LPA: variants seen among roughly 807,000 people sequenced by gnomAD.
LPA encodes the protein apolipoprotein(a).
LPA carries 199 observed loss-of-function variants against 197.9 expected under a neutral mutation model. That is an observed-to-expected ratio of 1.01 (90% CI 0.90 to 1.13). The LOEUF (loss-of-function observed/expected upper bound fraction) is 1.13. Ranked by LOEUF, LPA falls within the 50% of genes most tolerant of loss-of-function variation. The pLI, the probability that LPA is intolerant of heterozygous loss-of-function variation, is 0.00. For synonymous variants in LPA, 715 were observed against 639.5 expected, an observed-to-expected ratio of 1.12 and a Z score of -1.78; for missense variants, 1,853 against 1,785.8, an observed-to-expected ratio of 1.04 and a Z score of -0.68.
intron 37 of LPA, among the ~76,000 whole-genome samples, chr6:160,534,637 A>T (rs1225539279): frequency 6.6e-6 from 1 of 152,238 alleles, no homozygotes; most frequent in Non-Finnish European, 1.5e-5. Flanking sequence ...GAGAACACCC[A>T]TTGATCTGAT....
At chr6:160,603,902 T>C (rs1367964792) in intron 18 of LPA, among the ~76,000 whole-genome samples, 1 of 152,202 alleles carries the variant, frequency 6.6e-6, no homozygotes, top group African/African-American at 2.4e-5. Flanking sequence ...TCTACTGTAT[T>C]CCCAAGAGGT....
chr6:160,583,831 T>G (rs1360224303), intron 26 of LPA, among the ~76,000 whole-genome samples: 1 of 152,214 alleles, frequency 6.6e-6, no homozygotes, highest in Non-Finnish European at 1.5e-5. Flanking sequence ...TAAAACTCTT[T>G]GCCCTTAAGT....
At chr6:160,598,563 T>A (rs1338500208) in intron 20 of LPA, among the ~76,000 whole-genome samples, 1 of 152,238 alleles carries the variant, frequency 6.6e-6, no homozygotes, top group Non-Finnish European at 1.5e-5. Flanking sequence ...TTTTGCCGTG[T>A]CTTTGGTAGT....
chr6:160,648,004 C>A (rs1358379969), intron 2 of LPA, among the ~76,000 whole-genome samples: 1 of 152,168 alleles, frequency 6.6e-6, no homozygotes, highest in Non-Finnish European at 1.5e-5. Flanking sequence ...CATAAGCCTG[C>A]TGATTCCAAA....
At chr6:160,539,698 T>A (rs1777949900) in intron 36 of LPA, among the ~76,000 whole-genome samples, 1 of 152,184 alleles carries the variant, frequency 6.6e-6, no homozygotes, top group South Asian at 2.1e-4. Flanking sequence ...CAATCTCATT[T>A]GATTCTCTCC....
chr6:160,562,232 G>T (rs553473124), intron 28 of LPA, among the ~76,000 whole-genome samples: 3 of 152,164 alleles, frequency 2.0e-5, no homozygotes, highest in African/African-American at 7.2e-5. Context: ...ATTATTTTGA[G>T]ACATGCTCCA....
intron 28 of LPA, among the ~76,000 whole-genome samples, chr6:160,557,926 T>A (rs1208896470): frequency 1.3e-5 from 2 of 151,942 alleles, no homozygotes; most frequent in Non-Finnish European, 2.9e-5. Flanking sequence ...TTTTAGATTT[T>A]TTTTTTTTTT....
chr6:160,533,375 T>C (rs976469667), intron 37 of LPA, among the ~76,000 whole-genome samples: 6 of 152,170 alleles, frequency 3.9e-5, no homozygotes, highest in African/African-American at 1.4e-4. Flanking sequence ...CTCACAACGG[T>C]CCTATGAAAC....
chr6:160,602,589 G>T (rs1413463134), intron 18 of LPA, among the ~76,000 whole-genome samples: 4 of 152,158 alleles, frequency 2.6e-5, no homozygotes, highest in African/African-American at 4.8e-5. Flanking sequence ...TCTTCATTAC[G>T]TGGGCTGCAG....
intron 16 of LPA, among the ~76,000 whole-genome samples, chr6:160,609,067 G>C (rs1311952402): frequency 1.3e-5 from 2 of 151,916 alleles, no homozygotes; most frequent in Non-Finnish European, 2.9e-5. Context: ...TATTTTATCT[G>C]TTTTATTACA....
chr6:160,565,995 G>C (rs1187668530), intron 28 of LPA, among the ~76,000 whole-genome samples: 1 of 152,120 alleles, frequency 6.6e-6, no homozygotes, highest in South Asian at 2.1e-4. Context: ...GGAGTAAAAA[G>C]AAATGAACAA....
In LPA at chr6:160,635,056, G is replaced by C. The variant is rs1380329908; in HGVS notation, c.1075+67C>G. On this transcript the variant is annotated intron_variant, in intron 7 of 38. Transcript: ENST00000316300. ...TTTACCATTGAAGGCGGCTGCATCA[G>C]TGGGAATTTCCATGGCTTTTCATCC... The C allele has an allele frequency of 1.2e-5, 18 of 1,485,222 alleles. No individual in the cohort carries two copies. The African/African-American group carries it at 2.5e-4, about 21-fold the overall frequency. 92.0% of individuals were successfully genotyped at this position (1,485,222 alleles called of 1,614,324 possible). A position where few individuals can be genotyped will look rare whatever the true frequency, so the allele number is the denominator to read the frequency against.
chr6:160,557,052 A>G (rs1455404694), intron 29 of LPA, among the ~76,000 whole-genome samples: 7 of 152,276 alleles, frequency 4.6e-5, no homozygotes, highest in East Asian at 1.9e-4. Context: ...AACACTGTCC[A>G]TTTTAATAAA....
At chr6:160,573,956 C>A (rs1778608582) in intron 28 of LPA, among the ~76,000 whole-genome samples, 1 of 152,162 alleles carries the variant, frequency 6.6e-6, no homozygotes. Flanking sequence ...GGCCCTAGAA[C>A]TCCAAAGATT....
chr6:160,646,530 G>A (rs141953005), intron 2 of LPA, 135 bp from the exon 3 acceptor site: 1 of 20,090 alleles, frequency 5.0e-5, no homozygotes, highest in South Asian at 1.3e-3. Flanking sequence ...CCATATGATT[G>A]CCACCAGCAA....
intron 28 of LPA, among the ~76,000 whole-genome samples, chr6:160,567,063 C>T (rs957318353): frequency 2.0e-5 from 3 of 152,220 alleles, no homozygotes; most frequent in African/African-American, 7.2e-5. Context: ...TAACACCCCA[C>T]TGTCAACATT....
At position 160,591,013 on chromosome 6, in the gene LPA, A is replaced by G. The variant is rs1299855347; in HGVS notation, c.3718T>C (p.Cys1240Arg). The G allele has an allele frequency of 3.1e-6, 5 of 1,613,922 alleles. No homozygotes were observed. The highest frequency in any genetic ancestry group is 4.2e-6 in the Non-Finnish European group (5 of 1,179,936). Residue 1240 changes from cysteine to arginine, a missense_variant, in exon 23 of 39, where the codon TGC (cysteine) becomes CGC (arginine). Physicochemically the swap from Cys to Arg is radical, Grantham distance 180. Coordinates refer to ENST00000316300, the MANE Select transcript of LPA (RefSeq NM_005577.4). ...GTCACTGGACATTGTGTCAGGTTGC[A>G]GTACTCCCATCTGACATTGGGATCC... ...TMDPNVRWEYCNLTQCPVTES... is the reference protein window; with the variant it reads ...TMDPNVRWEYRNLTQCPVTES...
chr6:160,546,558 A>G (rs150967613), intron 32 of LPA, among the ~76,000 whole-genome samples: 1 of 152,290 alleles, frequency 6.6e-6, no homozygotes, highest in East Asian at 1.9e-4. Context: ...AGAAAAACAG[A>G]TCTTTATCCA....
At chr6:160,573,669 T>C (rs1251713328) in intron 28 of LPA, among the ~76,000 whole-genome samples, 1 of 152,204 alleles carries the variant, frequency 6.6e-6, no homozygotes, top group Non-Finnish European at 1.5e-5. Context: ...TCCTGTGAGC[T>C]GAACTGCAGT....
Sources: gnomAD v4.1 joint callset for allele counts (sites outside exome capture counted in the v4.1 genomes callset) on GRCh38, gnomAD v4.1.1 for gene constraint, MANE v1.5 for transcripts, NCBI Gene and HGNC (gene_info 2026-07-23, HGNC 2026-07-21) for gene names.